Variants in PKP2 observed in about 807,000 individuals in gnomAD.
PKP2 encodes plakophilin-2.
A neutral mutation model predicts 83.4 loss-of-function variants in PKP2; 73 were observed. The observed-to-expected ratio is 0.88, with a 90% CI of 0.72 to 1.06. PKP2 has a LOEUF of 1.06. PKP2 is among the 50% of genes least tolerant of loss of function. The pLI is 0.00. For synonymous variants in PKP2, 409 were observed against 430.4 expected, an observed-to-expected ratio of 0.95 and a Z score of 0.62; for missense variants, 966 against 1,065.4, an observed-to-expected ratio of 0.91 and a Z score of 1.30.
intron 4 of PKP2, among the ~76,000 whole-genome samples, chr12:32,858,955 T>C (rs914973704): frequency 1.3e-5 from 2 of 152,212 alleles, no homozygotes; most frequent in African/African-American, 4.8e-5. Flanking sequence ...ACCAACAACA[T>C]TCTCTTTTCC....
rs565730844 is a variant in PKP2 at position 32,805,509 on chromosome 12, A to G, written c.2014-2953T>C. On this transcript the variant is annotated intron_variant, in intron 9 of 12. Transcript: ENST00000340811. ...GGTACAAAGAAGGGGTCCAGTTTCA[A>G]TTTTCTGCATATGACTAGCCAGTTC... Among the ~76,000 whole-genome samples, 11 of 152,166 alleles carry G rather than the reference A, an allele frequency of 7.2e-5. No individual in the cohort carries two copies. In the South Asian group the frequency reaches 2.3e-3, roughly 32 times the overall value.
intron 6 of PKP2, among the ~76,000 whole-genome samples, chr12:32,827,517 TA>T (rs375172763): frequency 8.5e-5 from 13 of 152,284 alleles, no homozygotes; most frequent in African/African-American, 2.2e-4. Context: ...CATCTTAAAA[TA>T]TTTTTTTTTA....
chr12:32,870,710 A>G (rs1174161362), intron 3 of PKP2, among the ~76,000 whole-genome samples: 3 of 152,194 alleles, frequency 2.0e-5, no homozygotes, highest in Non-Finnish European at 4.4e-5. Context: ...AGTCTTTGCC[A>G]GCCATCACGG....
intron 6 of PKP2, among the ~76,000 whole-genome samples, chr12:32,836,099 T>G (rs1039016009): frequency 2.0e-5 from 3 of 152,236 alleles, no homozygotes; most frequent in African/African-American, 7.2e-5. Context: ...TCCTCTCCTA[T>G]CTTGGATTTT....
At chr12:32,811,079 C>T (rs1306688436) in intron 9 of PKP2, among the ~76,000 whole-genome samples, 1 of 152,172 alleles carries the variant, frequency 6.6e-6, no homozygotes, top group Non-Finnish European at 1.5e-5. Context: ...AATTGAGTCT[C>T]CCTGCAGCAA....
intron 11 of PKP2, among the ~76,000 whole-genome samples, chr12:32,793,737 A>C (rs1329014500): frequency 3.3e-5 from 5 of 150,004 alleles, no homozygotes; most frequent in African/African-American, 4.9e-5. Context: ...CTGGGACTAC[A>C]GGCGCATGCC....
intron 5 of PKP2, among the ~76,000 whole-genome samples, chr12:32,843,837 T>G (rs531548668): frequency 6.6e-6 from 1 of 152,142 alleles, no homozygotes; most frequent in Non-Finnish European, 1.5e-5. Context: ...TGAGGCTGAG[T>G]TTTGGTTACT....
intron 9 of PKP2, among the ~76,000 whole-genome samples, chr12:32,805,134 T>A (rs1956216310): frequency 6.6e-6 from 1 of 152,078 alleles, no homozygotes; most frequent in African/African-American, 2.4e-5. Context: ...CTTTGTCCAC[T>A]TTTTAATGGG....
At chr12:32,852,771 CATTT>C (rs1445758485) in intron 4 of PKP2, among the ~76,000 whole-genome samples, 3 of 151,970 alleles carry the variant, frequency 2.0e-5, no homozygotes, top group Non-Finnish European at 4.4e-5. Flanking sequence ...TGTCTAAAGC[CATTT>C]AAATGCATGA....
chr12:32,889,896 G>C (rs1487960841), intron 1 of PKP2, among the ~76,000 whole-genome samples: 4 of 151,882 alleles, frequency 2.6e-5, no homozygotes, highest in African/African-American at 4.8e-5. Context: ...CTAACATGGT[G>C]AAACTCCATC....
At chr12:32,807,464 G>T (rs796667603) in intron 9 of PKP2, among the ~76,000 whole-genome samples, 8 of 152,204 alleles carry the variant, frequency 5.3e-5, no homozygotes, top group African/African-American at 1.9e-4. Context: ...ACACCAATGG[G>T]GGTTGGCTCT....
At chr12:32,856,007 T>C (rs1171296516) in intron 4 of PKP2, among the ~76,000 whole-genome samples, 1 of 152,130 alleles carries the variant, frequency 6.6e-6, no homozygotes, top group Non-Finnish European at 1.5e-5. Context: ...GCAATTTGAT[T>C]GAAGATATGT....
In PKP2 at chr12:32,824,032, T is replaced by G. The variant is rs768698663; in HGVS notation, c.1674+13A>C. The G allele has an allele frequency of 2.8e-6, 4 of 1,433,458 alleles. No individual in the cohort carries two copies. In the Admixed American group the frequency reaches 6.7e-5, roughly 24 times the overall value. 88.8% of individuals were successfully genotyped at this position (1,433,458 alleles called of 1,614,324 possible). On this transcript the variant is annotated intron_variant, in intron 7 of 12. Transcript: ENST00000340811. Reference sequence around the variant, plus strand: ...TTAGTAAGACAAAACAGGATATTTATCTCTTGAATTACCTTGTCATCTGGC... The same window carrying G: ...TTAGTAAGACAAAACAGGATATTTAGCTCTTGAATTACCTTGTCATCTGGC...
At chr12:32,840,571 T>C (rs1310589142) in intron 6 of PKP2, among the ~76,000 whole-genome samples, 1 of 152,186 alleles carries the variant, frequency 6.6e-6, no homozygotes, top group South Asian at 2.1e-4. Flanking sequence ...AGTGCTGGTA[T>C]TACAAGTGTG....
At chr12:32,804,503 C>T (rs1240929194) in intron 9 of PKP2, among the ~76,000 whole-genome samples, 5 of 152,258 alleles carry the variant, frequency 3.3e-5, no homozygotes, top group African/African-American at 9.6e-5. Context: ...ACCAAGTATC[C>T]ATGTGTTCCC....
rs191659829 is a variant in PKP2, at chr12:32,794,909, G to A, written c.2357+1200C>T. On this transcript the variant is annotated intron_variant, in intron 11 of 12. Transcript: ENST00000340811. ...GAGCAGAAGGGGCCTAAATTGGGTG[G>A]GGCTGTAGTAGAGGTAACATGTACA... Among the ~76,000 whole-genome samples the A allele has an allele frequency of 2.6e-5, 4 of 152,264 alleles. No homozygotes were observed. The East Asian group carries it at 5.8e-4, about 22-fold the overall frequency.
In PKP2 at chr12:32,821,363, C is replaced by T. The variant is rs1006357662; in HGVS notation, c.2006G>A (p.Ser669Asn). ...LGALQNLTAG[S>N]GPMPTSVAQT... ...ATCAGGCCCAATACTCACTGGTCCA[C>T]TTCCGGCCGTGAGGTTCTGCAGAGC... is the stretch of plus-strand genomic sequence containing the variant. The change falls in exon 9 of 13, where the codon AGT (serine) becomes AAT (asparagine). Residue 669 changes from serine to asparagine, a missense_variant. By Grantham distance (46) the Ser-to-Asn change is conservative. Coordinates refer to ENST00000340811, the MANE Select transcript of PKP2 (RefSeq NM_001005242.3). 3 of 1,614,088 alleles carry T rather than the reference C, an allele frequency of 1.9e-6. No individual in the cohort carries two copies. Among genetic ancestry groups the T allele is most frequent in the Admixed American group, 1.7e-5 (1 of 60,014 alleles).
intron 1 of PKP2, among the ~76,000 whole-genome samples, chr12:32,880,080 C>T (rs1450469225): frequency 1.3e-5 from 2 of 150,756 alleles, no homozygotes; most frequent in African/African-American, 4.9e-5. Flanking sequence ...AATGGTGACT[C>T]AGCACTACTA....
At position 32,791,573 on chromosome 12, in the gene PKP2, TAGA is replaced by T. The variant is rs1364948248; in HGVS notation, c.*848_*850del. On this transcript the variant is annotated 3_prime_UTR_variant, in exon 13 of 13. Transcript: ENST00000340811. ...AAAAAAGTCCAGGAAAGGCATTACA[TAGA>T]ATGCCATCGTTTAGAAGAGATTTGG... 7.2e-5 allele frequency: 11 copies of T among 152,234 alleles called. No individual in the cohort carries two copies. The highest frequency in any genetic ancestry group is 2.7e-4 in the African/African-American group (11 of 41,456). The allele number at this position is 152,234 out of a possible 1,614,324, so 9.4% of individuals were successfully genotyped here.
Sources: allele counts gnomAD v4.1 joint callset (sites outside exome capture counted in the v4.1 genomes callset), GRCh38; gene constraint gnomAD v4.1.1; transcripts MANE v1.5; gene names NCBI Gene and HGNC (gene_info 2026-07-23, HGNC 2026-07-21).